FRMD6: variants seen among roughly 807,000 people sequenced by gnomAD.
The protein encoded by FRMD6 is FERM domain-containing protein 6.
In FRMD6, 37 loss-of-function variants were observed where a neutral mutation model predicts 73.2. The ratio of observed to expected loss-of-function variants is 0.51; its 90% confidence interval spans 0.39 to 0.66. The LOEUF is 0.66. FRMD6 is among the 30% of genes least tolerant of loss of function. The pLI, the probability that FRMD6 is intolerant of heterozygous loss-of-function variation, is 0.00. For missense variants in FRMD6, 714 were observed against 780.5 expected (o/e 0.91, Z 1.02); for synonymous variants, 273 against 282.2 (o/e 0.97, Z 0.33).
intron 13 of FRMD6, among the ~76,000 whole-genome samples, chr14:51,726,641 G>A (rs1312837301): frequency 6.6e-6 from 1 of 152,118 alleles, no homozygotes; most frequent in African/African-American, 2.4e-5. Context: ...ACTGCAATGA[G>A]TAATCTACTC....
At chr14:51,724,869 A>G (rs893836941) in intron 12 of FRMD6, among the ~76,000 whole-genome samples, 8 of 152,004 alleles carry the variant, frequency 5.3e-5, no homozygotes, top group Admixed American at 6.5e-5. Flanking sequence ...TTACCTTCTG[A>G]GACATGTTTC....
chr14:51,587,228 G>T (rs1395479397), intron 2 of FRMD6, among the ~76,000 whole-genome samples: 2 of 152,148 alleles, frequency 1.3e-5, no homozygotes, highest in Non-Finnish European at 2.9e-5. Flanking sequence ...TTATTTCTGG[G>T]TTCCCTATTC....
chr14:51,559,143 C>T (rs1448191098), intron 1 of FRMD6, among the ~76,000 whole-genome samples: 1 of 152,124 alleles, frequency 6.6e-6, no homozygotes, highest in Non-Finnish European at 1.5e-5. Flanking sequence ...ATCAACATAC[C>T]CCGGCAAATA....
At chr14:51,535,744 T>C (rs1885846310) in intron 1 of FRMD6, among the ~76,000 whole-genome samples, 1 of 152,190 alleles carries the variant, frequency 6.6e-6, no homozygotes, top group Non-Finnish European at 1.5e-5. Flanking sequence ...GTGAAATTGC[T>C]GGGTTATATG....
rs146259620 is a variant in FRMD6, at chr14:51,689,860, C to A, written c.24C>A (p.Asn8Lys). The A allele has an allele frequency of 5.0e-5, 81 of 1,612,550 alleles. No individual in the cohort carries two copies. The African/African-American group carries it at 9.3e-4, about 19-fold the overall frequency. MNKLNFH[N>K]NRVMQDRRSV... ...CAATGAACAAATTGAATTTTCATAA[C>A]AACAGAGTCATGCAAGACCGCCGCA... is the stretch of plus-strand genomic sequence containing the variant. The change falls in exon 2 of 14, where the codon AAC (asparagine) becomes AAA (lysine). Residue 8 changes from asparagine (N) to lysine (K), a missense_variant. Coordinates refer to ENST00000344768, the MANE Select transcript of FRMD6 (RefSeq NM_001267046.2).
chr14:51,625,193 T>C (rs2139945230), intron 2 of FRMD6, among the ~76,000 whole-genome samples: 1 of 152,338 alleles, frequency 6.6e-6, no homozygotes, highest in East Asian at 1.9e-4. Flanking sequence ...ATCTCCATTT[T>C]GAATACTTGG....
intron 1 of FRMD6, among the ~76,000 whole-genome samples, chr14:51,525,122 G>GATAA (rs1326639196): frequency 6.7e-6 from 1 of 148,888 alleles, no homozygotes; most frequent in South Asian, 2.2e-4. Context: ...TAGATAGATA[G>GATAA]AGACAGATGA....
At chr14:51,667,008 G>A (rs1893648488) in intron 1 of FRMD6, among the ~76,000 whole-genome samples, 1 of 152,076 alleles carries the variant, frequency 6.6e-6, no homozygotes. Context: ...GGTGATGCGT[G>A]CCTGTGGTCC....
rs1259140311 is a variant in FRMD6 at position 51,644,391 on chromosome 14, A to ACT, written c.-146-45298_-146-45297dup. On this transcript the variant is annotated intron_variant, in intron 2 of 14. Coordinates refer to the FRMD6 transcript ENST00000356218. ...CACACACACACACACACACACACTC[A>ACT]CTCACTCTCTCTCTCTCTCTCTCCC... 3.1e-3 allele frequency among the ~76,000 whole-genome samples: 375 copies of ACT among 120,804 alleles called. 4 individuals carry two copies. The highest frequency in any genetic ancestry group is 9.4e-3 in the African/African-American group (321 of 34,168). The allele number at this position is 120,804 out of a possible 152,430, so 79.3% of individuals were successfully genotyped here.
the FRMD6 span, among the ~76,000 whole-genome samples, chr14:51,438,519 G>A: frequency 3.0e-4 from 46 of 152,126 alleles, no homozygotes; most frequent in Non-Finnish European, 5.0e-4. Flanking sequence ...TAACATCACT[G>A]TCAAACTTTG....
At chr14:51,609,035 G>T (rs1424607677) in intron 2 of FRMD6, among the ~76,000 whole-genome samples, 2 of 152,074 alleles carry the variant, frequency 1.3e-5, no homozygotes, top group Non-Finnish European at 2.9e-5. Flanking sequence ...CTAAATTTTT[G>T]ATGTCATCAA....
exon 1 of FRMD6, chr14:51,489,192 A>T (rs995787328): frequency 1.3e-5 from 2 of 152,160 alleles, no homozygotes; most frequent in Non-Finnish European, 2.9e-5. Flanking sequence ...CTTTCCCCCA[A>T]TCTCAATCCC....
chr14:51,553,679 C>T (rs554982927), intron 1 of FRMD6, among the ~76,000 whole-genome samples: 1 of 152,234 alleles, frequency 6.6e-6, no homozygotes, highest in South Asian at 2.1e-4. Flanking sequence ...CTAGGGATAC[C>T]TACTGATCAG....
At chr14:51,651,467 C>A (rs1771257315), upstream of FRMD6, 1 of 152,276 alleles carries the variant, frequency 6.6e-6, no homozygotes, top group Admixed American at 6.5e-5. Context: ...GGAGGGAGCG[C>A]CCCGAGGGAG....
chr14:51,618,624 G>A (rs569032638), intron 2 of FRMD6, among the ~76,000 whole-genome samples: 10 of 152,302 alleles, frequency 6.6e-5, no homozygotes, highest in Non-Finnish European at 1.5e-4. Flanking sequence ...TAGGTTGAAT[G>A]TGAAGGCTGA....
chr14:51,515,661 A>G (rs181301523), intron 1 of FRMD6, among the ~76,000 whole-genome samples: 30 of 152,316 alleles, frequency 2.0e-4, no homozygotes, highest in Non-Finnish European at 3.7e-4. Flanking sequence ...CAGGACACCA[A>G]TTTCTGGGAA....
chr14:51,481,800 C>G, the FRMD6 span, among the ~76,000 whole-genome samples: 1 of 152,242 alleles, frequency 6.6e-6, no homozygotes, highest in Non-Finnish European at 1.5e-5. Context: ...AGAGTGCTTT[C>G]TGGCACACGG....
chr14:51,450,861 C>T, the FRMD6 span, among the ~76,000 whole-genome samples: 1 of 152,164 alleles, frequency 6.6e-6, no homozygotes, highest in African/African-American at 2.4e-5. Flanking sequence ...GCTATGGACA[C>T]AGAGGCAAGG....
chr14:51,469,567 A>C, the FRMD6 span, among the ~76,000 whole-genome samples: 8 of 145,154 alleles, frequency 5.5e-5, no homozygotes, highest in Non-Finnish European at 9.0e-5. Flanking sequence ...GAGCCAAGAT[A>C]GCGCCACTGC....
Sources: allele counts gnomAD v4.1 joint callset (sites outside exome capture counted in the v4.1 genomes callset), GRCh38; gene constraint gnomAD v4.1.1; transcripts MANE v1.5; gene names NCBI Gene and HGNC (gene_info 2026-07-23, HGNC 2026-07-21).